The following KIAA1328 variants were observed in gnomAD, a reference collection of about 807,000 sequenced individuals.
KIAA1328 encodes KIAA1328.
In KIAA1328, 52 loss-of-function variants were observed where a neutral mutation model predicts 68.1. The ratio of observed to expected loss-of-function variants is 0.76; its 90% confidence interval spans 0.61 to 0.96. The LOEUF is 0.96. Ranked by LOEUF, KIAA1328 falls within the 40% of genes least tolerant of loss-of-function variation. The pLI, the probability that KIAA1328 is intolerant of heterozygous loss-of-function variation, is 0.00. For synonymous variants in KIAA1328, 232 were observed against 239.4 expected, an observed-to-expected ratio of 0.97 and a Z score of 0.28; for missense variants, 641 against 677.6, an observed-to-expected ratio of 0.95 and a Z score of 0.60.
intron 6 of KIAA1328, among the ~76,000 whole-genome samples, chr18:36,995,159 C>T (rs2151429832): frequency 6.6e-6 from 1 of 152,166 alleles, no homozygotes; most frequent in South Asian, 2.1e-4. Context: ...TCCCTGTGTC[C>T]ACGTGTTCAC....
At chr18:36,927,845 G>A (rs372113683) in intron 5 of KIAA1328, among the ~76,000 whole-genome samples, 1 of 150,850 alleles carries the variant, frequency 6.6e-6, no homozygotes, top group African/African-American at 2.4e-5. Context: ...AAGAAGGAAG[G>A]GAGGGAGGAA....
chr18:37,220,975 T>C (rs763991563), intron 9 of KIAA1328, among the ~76,000 whole-genome samples: 4 of 152,122 alleles, frequency 2.6e-5, no homozygotes, highest in Admixed American at 6.5e-5. Flanking sequence ...TACAGGCACA[T>C]GCCACCATGC....
At chr18:36,961,547 T>C (rs1223795493) in intron 6 of KIAA1328, among the ~76,000 whole-genome samples, 1 of 151,724 alleles carries the variant, frequency 6.6e-6, no homozygotes, top group Admixed American at 6.6e-5. Context: ...AAGGAAAAAA[T>C]GTTAAGGGCA....
intron 6 of KIAA1328, among the ~76,000 whole-genome samples, chr18:37,027,390 A>G (rs1179395742): frequency 6.6e-6 from 1 of 152,198 alleles, no homozygotes. Flanking sequence ...TATGGAACCA[A>G]AAAGAGCCCA....
rs527407039 is a variant in KIAA1328 at position 36,829,488 on chromosome 18, G to A, written c.58+292G>A. 1.5e-4 allele frequency: 181 copies of A among 1,199,162 alleles called. 1 individual carries two copies. In the African/African-American group the frequency reaches 2.6e-3, roughly 17 times the overall value. 74.3% of individuals were successfully genotyped at this position (1,199,162 alleles called of 1,614,324 possible). A position where few individuals can be genotyped will look rare whatever the true frequency, so the allele number is the denominator to read the frequency against. ...GAGTCCAGGCTCAGTCCAGGGCTGAGATGGCCCTCCGAGGTCCCTCTGCCC... is the reference window on the plus strand; with the variant it reads ...GAGTCCAGGCTCAGTCCAGGGCTGAAATGGCCCTCCGAGGTCCCTCTGCCC... On this transcript the variant is annotated intron_variant, in intron 1 of 9. Transcript: ENST00000280020.
At chr18:37,078,306 T>C in intron 7 of KIAA1328, among the ~76,000 whole-genome samples, 1 of 152,110 alleles carries the variant, frequency 6.6e-6, no homozygotes, top group Middle Eastern at 3.2e-3. Context: ...ATCCCTTCCT[T>C]ACACCTTATA....
chr18:37,144,480 AC>A (rs2058849470), intron 7 of KIAA1328, among the ~76,000 whole-genome samples: 2 of 151,598 alleles, frequency 1.3e-5, no homozygotes, highest in African/African-American at 4.9e-5. Flanking sequence ...ATATTACATC[AC>A]TGATTTTAAA....
At chr18:37,128,707 A>G (rs996039637) in intron 7 of KIAA1328, among the ~76,000 whole-genome samples, 3 of 152,338 alleles carry the variant, frequency 2.0e-5, no homozygotes, top group Middle Eastern at 3.4e-3. Flanking sequence ...ATGAATATTC[A>G]TAGCAGTTTT....
rs1257223175 is a variant in KIAA1328 at position 37,066,973 on chromosome 18, C to G, written c.660C>G (p.Tyr220Ter). 2 of 1,613,416 alleles carry G rather than the reference C, an allele frequency of 1.2e-6. No homozygotes were observed. The highest frequency in any genetic ancestry group is 1.7e-6 in the Non-Finnish European group (2 of 1,179,602). Residue 220 changes from tyrosine (Y) to a stop codon, truncating the protein, a stop_gained, in exon 7 of 10, where the codon TAC (tyrosine) becomes TAG (stop). Transcript: ENST00000280020. LOFTEE classifies it high-confidence loss of function. ...TGAGCATAGCCAGACCACAGACCTACTATCAAACCAAGCAAAGACCTAAGT... is the reference window on the plus strand; with the variant it reads ...TGAGCATAGCCAGACCACAGACCTAGTATCAAACCAAGCAAAGACCTAAGT... ...SYLSIARPQT[Y>*]YQTKQRPKSA...
intron 9 of KIAA1328, among the ~76,000 whole-genome samples, chr18:37,207,870 C>T (rs1333838398): frequency 3.3e-5 from 5 of 152,192 alleles, no homozygotes; most frequent in Non-Finnish European, 7.3e-5. Flanking sequence ...AGTGCAATGG[C>T]GTGATCTCAC....
intron 6 of KIAA1328, among the ~76,000 whole-genome samples, chr18:37,042,138 T>C (rs561659604): frequency 6.6e-6 from 1 of 152,122 alleles, no homozygotes; most frequent in Non-Finnish European, 1.5e-5. Context: ...GCTCAAGTGA[T>C]GCACCCACCT....
intron 6 of KIAA1328, among the ~76,000 whole-genome samples, chr18:37,048,368 C>T (rs1421924436): frequency 2.0e-5 from 3 of 152,078 alleles, no homozygotes; most frequent in Non-Finnish European, 4.4e-5. Flanking sequence ...ATGTGCTATC[C>T]TTCTTTATGA....
chr18:36,981,559 A>G (rs1158990952), intron 6 of KIAA1328, among the ~76,000 whole-genome samples: 18 of 152,134 alleles, frequency 1.2e-4, no homozygotes, highest in Admixed American at 1.2e-3. Flanking sequence ...AAATAGTACC[A>G]TATAGATACC....
chr18:37,009,864 C>T (rs923619871), intron 6 of KIAA1328, among the ~76,000 whole-genome samples: 2 of 152,140 alleles, frequency 1.3e-5, no homozygotes, highest in Admixed American at 1.3e-4. Flanking sequence ...AAAGAAAATA[C>T]CTGTACCTAA....
intron 7 of KIAA1328, among the ~76,000 whole-genome samples, chr18:37,146,623 G>T (rs1195473769): frequency 2.0e-5 from 3 of 152,110 alleles, no homozygotes; most frequent in Non-Finnish European, 2.9e-5. Flanking sequence ...GGGTCAAATG[G>T]TAGTTCTGTT....
chr18:37,027,636 C>A (rs969258456), intron 6 of KIAA1328, among the ~76,000 whole-genome samples: 7 of 152,016 alleles, frequency 4.6e-5, no homozygotes, highest in South Asian at 2.1e-4. Flanking sequence ...CCTATTTAAC[C>A]AATGGTGCTG....
chr18:36,901,619 A>G (rs909322174), intron 5 of KIAA1328, among the ~76,000 whole-genome samples: 3 of 152,044 alleles, frequency 2.0e-5, no homozygotes, highest in African/African-American at 7.2e-5. Context: ...TATGTCTGAC[A>G]GCTCAGGGCG....
intron 9 of KIAA1328, among the ~76,000 whole-genome samples, chr18:37,187,020 C>T (rs960823283): frequency 6.6e-6 from 1 of 151,978 alleles, no homozygotes; most frequent in Admixed American, 6.6e-5. Flanking sequence ...CTAAATTAGC[C>T]GGGTATGGTG....
chr18:37,220,951 T>C (rs2060548885), intron 9 of KIAA1328, among the ~76,000 whole-genome samples: 1 of 152,158 alleles, frequency 6.6e-6, no homozygotes, highest in African/African-American at 2.4e-5. Context: ...CTCAGCCTCC[T>C]GAGTAGCTGG....
Sources: gnomAD v4.1 joint callset for allele counts (sites outside exome capture counted in the v4.1 genomes callset) on GRCh38, gnomAD v4.1.1 for gene constraint, MANE v1.5 for transcripts, NCBI Gene and HGNC (gene_info 2026-07-23, HGNC 2026-07-21) for gene names.